Variants in RGS12 observed in about 807,000 individuals in gnomAD.
The protein encoded by RGS12 is regulator of G-protein signaling 12.
A neutral mutation model predicts 120.1 loss-of-function variants in RGS12; 66 were observed. That is an observed-to-expected ratio of 0.55 (90% CI 0.45 to 0.67). The LOEUF (loss-of-function observed/expected upper bound fraction) is 0.67. Among genes scored for constraint, RGS12 ranks in the 30% least tolerant of loss-of-function variants. The probability of loss-of-function intolerance (pLI) is 0.00; values close to 1 mark genes in which losing one functional copy is unlikely to be tolerated. For missense variants in RGS12, 1,859 were observed against 1,957.7 expected (o/e 0.95, Z 0.95); for synonymous variants, 827 against 804.7 (o/e 1.03, Z -0.47).
At chr4:3,424,292 C>T (rs887925126) in intron 13 of RGS12, among the ~76,000 whole-genome samples, 4 of 152,248 alleles carry the variant, frequency 2.6e-5, no homozygotes, top group African/African-American at 9.6e-5. Context: ...GCAATGATTT[C>T]AAGTATTTTC....
upstream of RGS12, among the ~76,000 whole-genome samples, chr4:3,288,100 G>C (rs1722943089): frequency 6.6e-6 from 1 of 152,214 alleles, no homozygotes; most frequent in African/African-American, 2.4e-5. The surrounding 1 kb of genome is among the most constrained non-coding windows in gnomAD (Gnocchi z 5.2). Context: ...CTGAGCCTGC[G>C]TGCTCGTTGC....
chr4:3,432,618 G>T (rs1201988883), intron 17 of RGS12, among the ~76,000 whole-genome samples: 1 of 152,252 alleles, frequency 6.6e-6, no homozygotes, highest in Non-Finnish European at 1.5e-5. Context: ...CGCAGGCCCA[G>T]CTGAGCGCCC....
In RGS12 at chr4:3,422,366, TGCTCCCCAGTCGGAG is replaced by T; in HGVS notation, c.2839-7_2846del. 1 of 1,607,244 alleles carries T rather than the reference TGCTCCCCAGTCGGAG, an allele frequency of 6.2e-7. No individual in the cohort carries two copies. Among genetic ancestry groups the T allele is most frequent in the Admixed American group, 1.7e-5 (1 of 59,624 alleles). ...GTTCCCTCACGGCTGCTTGTCTCGC[TGCTCCCCAGTCGGAG>T]GCCTGCAGGACTTTGGCACCCGAGA... On this transcript the variant is annotated splice_acceptor_variant and splice_polypyrimidine_tract_variant and coding_sequence_variant and intron_variant, in exon 11 of 18. Coordinates refer to ENST00000336727, the MANE Select transcript of RGS12 (RefSeq NM_001394154.1). LOFTEE classifies it high-confidence loss of function.
chr4:3,427,604 C>T lies in RGS12; in HGVS notation c.3332-486C>T, dbSNP rs551231331. On this transcript the variant is annotated intron_variant, in intron 14 of 17. Coordinates refer to ENST00000336727, the MANE Select transcript of RGS12 (RefSeq NM_001394154.1). Reference sequence around the variant, plus strand: ...TACAAAAATTAGCTGGGTGTGGTGGCACATGCCTGTAATCCCAGCTACATG... The same window carrying T: ...TACAAAAATTAGCTGGGTGTGGTGGTACATGCCTGTAATCCCAGCTACATG... Among the ~76,000 whole-genome samples the T allele has an allele frequency of 3.9e-5, 6 of 152,288 alleles. No individual in the cohort carries two copies. The South Asian group carries it at 1.2e-3, about 32-fold the overall frequency.
At chr4:3,301,555 G>C (rs1030512678) in intron 1 of RGS12, among the ~76,000 whole-genome samples, 7 of 152,090 alleles carry the variant, frequency 4.6e-5, no homozygotes, top group African/African-American at 1.7e-4. Flanking sequence ...GGAGAGGCCC[G>C]CCAGGGCCAG....
At position 3,309,357 on chromosome 4, in the gene RGS12, G is replaced by A. The variant is rs572337547; in HGVS notation, c.-101-6713G>A. Among the ~76,000 whole-genome samples the A allele has an allele frequency of 4.3e-5, 6 of 140,116 alleles. No homozygotes were observed. The East Asian group carries it at 1.2e-3, about 28-fold the overall frequency. 91.9% of individuals were successfully genotyped at this position (140,116 alleles called of 152,430 possible). A position where few individuals can be genotyped will look rare whatever the true frequency, so the allele number is the denominator to read the frequency against. Reference sequence around the variant, plus strand: ...GAGCTGGGATCCGGGAATGGCAGGTGTCCGCTGAGGGGAACCGTGCAGGGG... The same window carrying A: ...GAGCTGGGATCCGGGAATGGCAGGTATCCGCTGAGGGGAACCGTGCAGGGG... On this transcript the variant is annotated intron_variant, in intron 1 of 17. Transcript: ENST00000336727.
chr4:3,428,754 C>G (rs748061515), intron 16 of RGS12, 43 bp downstream of exon 16: 1 of 1,523,250 alleles, frequency 6.6e-7, no homozygotes. Context: ...AGTAAATGCA[C>G]AGTTAGTTTC....
chr4:3,396,620 C>G (rs1720068779), intron 4 of RGS12, among the ~76,000 whole-genome samples: 1 of 152,174 alleles, frequency 6.6e-6, no homozygotes, highest in Admixed American at 6.5e-5. Context: ...TTCCATTGGT[C>G]TGTTTGTCTA....
intron 2 of RGS12, among the ~76,000 whole-genome samples, chr4:3,320,276 G>A (rs889485611): frequency 2.6e-5 from 4 of 152,300 alleles, no homozygotes; most frequent in East Asian, 3.9e-4. Context: ...TCCTTGGGGC[G>A]GGTGACATGG....
chr4:3,294,546 A>G (rs1313065267), intron 1 of RGS12, among the ~76,000 whole-genome samples: 1 of 152,222 alleles, frequency 6.6e-6, no homozygotes, highest in African/African-American at 2.4e-5. Context: ...GATGATGGGT[A>G]TCCGGTGCCC....
intron 2 of RGS12, among the ~76,000 whole-genome samples, chr4:3,319,683 G>A (rs977383389): frequency 1.3e-5 from 2 of 152,242 alleles, no homozygotes; most frequent in East Asian, 1.9e-4. Flanking sequence ...GAGCTCAAGC[G>A]ATCCTTCTGC....
rs978292177 is a variant in RGS12 at position 3,299,108 on chromosome 4, A to T, written c.-102+6009A>T. 7.9e-5 allele frequency among the ~76,000 whole-genome samples: 12 copies of T among 152,024 alleles called. No individual in the cohort carries two copies. In the East Asian group the frequency reaches 2.1e-3, roughly 27 times the overall value. On this transcript the variant is annotated intron_variant, in intron 1 of 17. Coordinates refer to ENST00000336727, the MANE Select transcript of RGS12 (RefSeq NM_001394154.1). Reference sequence around the variant, plus strand: ...AGTGTTGATTTTTGTTCTGGAAGTTAATTTGTCTGGACTCAAATGAAAATC... The same window carrying T: ...AGTGTTGATTTTTGTTCTGGAAGTTTATTTGTCTGGACTCAAATGAAAATC...
intron 3 of RGS12, among the ~76,000 whole-genome samples, chr4:3,344,603 G>C (rs1672017752): frequency 1.3e-5 from 2 of 152,236 alleles, no homozygotes; most frequent in South Asian, 2.1e-4. Context: ...CCCCTTCCCT[G>C]CTGGGTGTAA....
intron 3 of RGS12, among the ~76,000 whole-genome samples, chr4:3,362,942 T>TA (rs1024250279): frequency 2.7e-5 from 4 of 149,086 alleles, no homozygotes; most frequent in African/African-American, 1.0e-4. Flanking sequence ...CGAAGGGGTG[T>TA]GTGTGCACGT....
intron 3 of RGS12, among the ~76,000 whole-genome samples, chr4:3,351,249 A>T (rs1019446994): frequency 1.3e-5 from 2 of 152,168 alleles, no homozygotes; most frequent in African/African-American, 4.8e-5. Flanking sequence ...TGAATTAGTA[A>T]CAAATCTTTT....
chr4:3,386,948 T>C (rs1718918415), intron 4 of RGS12, among the ~76,000 whole-genome samples: 1 of 152,246 alleles, frequency 6.6e-6, no homozygotes, highest in Admixed American at 6.5e-5. Flanking sequence ...ACAGGGATTC[T>C]TTTCATGGAC....
intron 11 of RGS12, 102 bp from the exon 12 acceptor site, chr4:3,422,803 C>A: frequency 8.9e-7 from 1 of 1,119,912 alleles, no homozygotes; most frequent in Non-Finnish European, 1.3e-6. Context: ...GTTTTTGAAG[C>A]TGCTCTTCTG....
chr4:3,427,784 G>A (rs912216386), intron 14 of RGS12, among the ~76,000 whole-genome samples: 6 of 152,176 alleles, frequency 3.9e-5, no homozygotes, highest in Admixed American at 6.5e-5. Context: ...TGTCATAAAT[G>A]TAAGACTCTG....
intron 12 of RGS12, 81 bp from the exon 13 acceptor site, chr4:3,423,434 G>T: frequency 6.4e-7 from 1 of 1,574,078 alleles, no homozygotes; most frequent in Non-Finnish European, 8.7e-7. Context: ...GCCTGGGGCT[G>T]TGCTGTAGTT....
Sources: gnomAD v4.1 joint callset for allele counts (sites outside exome capture counted in the v4.1 genomes callset) on GRCh38, gnomAD v4.1.1 for gene constraint, Gnocchi (gnomAD v3.1) non-coding constraint, MANE v1.5 for transcripts, NCBI Gene and HGNC (gene_info 2026-07-23, HGNC 2026-07-21) for gene names.